Variants in SNRPA1 observed in about 807,000 individuals in gnomAD.
SNRPA1 encodes small nuclear ribonucleoprotein polypeptide A'.
SNRPA1 carries 5 observed loss-of-function variants against 32.3 expected under a neutral mutation model. The ratio of observed to expected loss-of-function variants is 0.15; its 90% CI spans 0.08 to 0.33. The LOEUF (loss-of-function observed/expected upper bound fraction) is 0.33. Among genes scored for constraint, SNRPA1 ranks in the 10% least tolerant of loss-of-function variants. The pLI is 1.00. For missense variants in SNRPA1, 198 were observed against 311.1 expected (o/e 0.64, Z 2.74); for synonymous variants, 111 against 120.1 (o/e 0.92, Z 0.50).
At chr15:101,294,587 G>T (rs1375974371) in intron 1 of SNRPA1, among the ~76,000 whole-genome samples, 1 of 152,136 alleles carries the variant, frequency 6.6e-6, no homozygotes, top group Non-Finnish European at 1.5e-5. Flanking sequence ...TAGGGGAAAC[G>T]CCAGACAATT....
intron 6 of SNRPA1, 36 bp downstream of exon 6, chr15:101,286,178 G>A (rs554288352): frequency 9.7e-6 from 15 of 1,547,724 alleles, no homozygotes; most frequent in Non-Finnish European, 1.3e-5. Flanking sequence ...TGTTTCTGAA[G>A]GTGAAGTAGA....
chr15:101,286,049 TTG>T (rs1448333144), intron 6 of SNRPA1, 163 bp downstream of exon 6: 1 of 659,356 alleles, frequency 1.5e-6, no homozygotes, highest in African/African-American at 1.8e-5. Context: ...TAGAAATTTC[TTG>T]TGATGTGTGG....
At chr15:101,291,816 A>G in intron 3 of SNRPA1, 146 bp downstream of exon 3, 1 of 557,970 alleles carries the variant, frequency 1.8e-6, no homozygotes. Context: ...ACGGCTGCAG[A>G]ACCCAAAAGG....
intron 2 of SNRPA1, 89 bp from the exon 3 acceptor site, chr15:101,292,129 C>A (rs1164324929): frequency 3.4e-6 from 3 of 886,950 alleles, no homozygotes; most frequent in Non-Finnish European, 5.6e-6. Context: ...CACAGAGAGA[C>A]ACTTAGAGAT....
chr15:101,283,584 A>AC (rs202064123), intron 8 of SNRPA1, among the ~76,000 whole-genome samples: 8 of 151,826 alleles, frequency 5.3e-5, no homozygotes, highest in South Asian at 2.1e-4. Flanking sequence ...AACAACAACA[A>AC]AATCAGTCTT....
At chr15:101,290,760 T>G (rs2039515540) in intron 3 of SNRPA1, among the ~76,000 whole-genome samples, 1 of 142,160 alleles carries the variant, frequency 7.0e-6, no homozygotes. Context: ...TTTTTTTTTT[T>G]GAGACGGAGT....
chr15:101,289,299 G>A (rs996683616), intron 3 of SNRPA1, among the ~76,000 whole-genome samples: 3 of 152,230 alleles, frequency 2.0e-5, no homozygotes, highest in African/African-American at 7.2e-5. Flanking sequence ...TTGTTTAGCA[G>A]GGTAAAGGTG....
rs189272428 is a variant in SNRPA1 at position 101,288,340 on chromosome 15, G to A, written c.310-638C>T. ...TGGCTCACTGCAAGCTCCGCCTCCCGAATTCATGCCATTCTCCTGCCTCAG... is the reference window on the plus strand; with the variant it reads ...TGGCTCACTGCAAGCTCCGCCTCCCAAATTCATGCCATTCTCCTGCCTCAG... On this transcript the variant is annotated intron_variant, in intron 3 of 8. Transcript: ENST00000254193. 4.9e-3 allele frequency: 726 copies of A among 148,138 alleles called. 3 individuals are homozygous for A. The highest frequency in any genetic ancestry group is 8.6e-3 in the Non-Finnish European group (585 of 67,700). 9.2% of individuals were successfully genotyped at this position (148,138 alleles called of 1,614,324 possible). A position where few individuals can be genotyped will look rare whatever the true frequency, so the allele number is the denominator to read the frequency against.
Position 101,286,967 on chromosome 15 carries a change from A to T in SNRPA1, c.400T>A (p.Tyr134Asn). ...PVTNKKHYRLYVIYKVPQVRV... is the reference protein window; with the variant it reads ...PVTNKKHYRLNVIYKVPQVRV... The stretch of plus-strand genomic sequence containing the variant: ...ACTTGCGGAACTTTATAAATCACAT[A>T]CAATCTGTAATGCTTCTTATTGGTT... The change falls in exon 5 of 9, where the codon TAT becomes AAT. Residue 134 changes from tyrosine (Y) to asparagine (N), a missense_variant. Physicochemically the swap from Tyr to Asn is moderately radical, Grantham distance 143 (BLOSUM62 -2). Coordinates refer to ENST00000254193, the MANE Select transcript of SNRPA1 (RefSeq NM_003090.4). 1 of 1,608,426 alleles carries T rather than the reference A, an allele frequency of 6.2e-7. No homozygotes were observed. The highest frequency in any genetic ancestry group is 8.5e-7 in the Non-Finnish European group (1 of 1,175,362).
At chr15:101,294,816 G>T in intron 1 of SNRPA1, 1 of 378,480 alleles carries the variant, frequency 2.6e-6, no homozygotes, top group Non-Finnish European at 4.7e-6. Context: ...AAACAGCCAA[G>T]CAAGGCCTAA....
At chr15:101,284,921 T>A in intron 8 of SNRPA1, 46 bp downstream of exon 8, 14 of 1,391,764 alleles carry the variant, frequency 1.0e-5, no homozygotes, top group Non-Finnish European at 1.2e-5. Flanking sequence ...AGTTACACTC[T>A]GAGTGTAACA....
At chr15:101,294,310 T>C (rs1261204005) in intron 1 of SNRPA1, among the ~76,000 whole-genome samples, 2 of 152,222 alleles carry the variant, frequency 1.3e-5, no homozygotes, top group Admixed American at 1.3e-4. Context: ...GCAGCGATGC[T>C]GCTCCGAGGC....
In SNRPA1 at chr15:101,283,895, G is replaced by A. The variant is rs904837107; in HGVS notation, c.709+1072C>T. Among the ~76,000 whole-genome samples, 14 of 152,240 alleles carry A rather than the reference G, an allele frequency of 9.2e-5. 1 individual carries two copies. The highest frequency in any genetic ancestry group is 2.7e-4 in the African/African-American group (11 of 41,464). ...GCGGAGGTTGGCGTGAGCCGAGATC[G>A]CGCCACTGCACTCCAGCCTGGGCAA... On this transcript the variant is annotated intron_variant, in intron 8 of 8. Transcript: ENST00000254193.
intron 4 of SNRPA1, 67 bp downstream of exon 4, chr15:101,287,589 G>T: frequency 7.5e-7 from 1 of 1,336,156 alleles, no homozygotes; most frequent in Non-Finnish European, 1.1e-6. Context: ...TTACATTAAG[G>T]TCAAGGCTGG....
At chr15:101,283,755 C>A (rs772064868) in intron 8 of SNRPA1, among the ~76,000 whole-genome samples, 51 of 152,168 alleles carry the variant, frequency 3.4e-4, no homozygotes, top group Non-Finnish European at 5.7e-4. Flanking sequence ...ACCATCCTGG[C>A]CAACATGGTG....
intron 1 of SNRPA1, among the ~76,000 whole-genome samples, chr15:101,293,753 T>G (rs1451150147): frequency 6.6e-6 from 1 of 152,204 alleles, no homozygotes; most frequent in Non-Finnish European, 1.5e-5. Context: ...ATTTGTCTAA[T>G]TTGGGCATAA....
intron 1 of SNRPA1, among the ~76,000 whole-genome samples, chr15:101,294,322 A>G (rs989239146): frequency 6.6e-6 from 1 of 152,224 alleles, no homozygotes; most frequent in African/African-American, 2.4e-5. Context: ...CTCCGAGGCC[A>G]TAGGTCCCCA....
chr15:101,287,808 A>T, intron 3 of SNRPA1, 106 bp from the exon 4 acceptor site: 1 of 960,698 alleles, frequency 1.0e-6, no homozygotes, highest in Non-Finnish European at 1.6e-6. Context: ...TATTTACTGA[A>T]TTTTTACTCT....
intron 3 of SNRPA1, among the ~76,000 whole-genome samples, chr15:101,291,370 A>G (rs2039524130): frequency 6.6e-6 from 1 of 152,242 alleles, no homozygotes; most frequent in Non-Finnish European, 1.5e-5. Context: ...CTGTTCAGCA[A>G]GATTTAATGC....
Sources: allele counts gnomAD v4.1 joint callset (sites outside exome capture counted in the v4.1 genomes callset), GRCh38; gene constraint gnomAD v4.1.1; transcripts MANE v1.5; gene names NCBI Gene and HGNC (gene_info 2026-07-23, HGNC 2026-07-21).